CTDSPL2: variants seen among roughly 807,000 people sequenced by gnomAD.
CTDSPL2 encodes the protein CTD small phosphatase-like protein 2.
Under a neutral mutation model 60.0 loss-of-function variants are expected in CTDSPL2, and 5 were observed. The observed-to-expected ratio is 0.08, with a 90% CI of 0.04 to 0.18. The LOEUF is 0.18. Ranked by LOEUF, CTDSPL2 falls within the 10% of genes least tolerant of loss-of-function variation. The pLI is 1.00. For missense variants in CTDSPL2, 370 were observed against 548.8 expected, an observed-to-expected ratio of 0.67 and a Z score of 3.26; for synonymous variants, 186 against 189.3, an observed-to-expected ratio of 0.98 and a Z score of 0.14.
At chr15:44,448,351 A>G (rs900080906) in intron 1 of CTDSPL2, 3 of 256,526 alleles carry the variant, frequency 1.2e-5, no homozygotes, top group Non-Finnish European at 2.4e-5. Context: ...CACAAAGCCC[A>G]TGCGGTCCAT....
chr15:44,455,395 A>G (rs912794673), intron 1 of CTDSPL2, among the ~76,000 whole-genome samples: 13 of 152,098 alleles, frequency 8.5e-5, no homozygotes, highest in African/African-American at 3.1e-4. Flanking sequence ...CTCTTTTCCT[A>G]ATTGAATACC....
At chr15:44,513,516 C>G (rs548926029) in intron 8 of CTDSPL2, among the ~76,000 whole-genome samples, 22 of 152,248 alleles carry the variant, frequency 1.4e-4, no homozygotes, top group South Asian at 2.1e-4. Flanking sequence ...TAAGGAAATT[C>G]TCTATTTTGC....
intron 1 of CTDSPL2, among the ~76,000 whole-genome samples, chr15:44,447,116 TCTG>T (rs1225271881): frequency 2.2e-4 from 33 of 152,310 alleles, no homozygotes; most frequent in Admixed American, 5.9e-4. Flanking sequence ...TTAAAACACT[TCTG>T]CTGTCTTCTC....
At chr15:44,447,108 A>G (rs1300396540) in intron 1 of CTDSPL2, among the ~76,000 whole-genome samples, 1 of 152,222 alleles carries the variant, frequency 6.6e-6, no homozygotes, top group Non-Finnish European at 1.5e-5. Flanking sequence ...ATTTTTACTT[A>G]AAACACTTCT....
rs1370607670 is a variant in CTDSPL2 at position 44,514,840 on chromosome 15, G to A, written c.1108G>A (p.Val370Ile). 1.3e-6 allele frequency: 2 copies of A among 1,555,832 alleles called. No individual in the cohort carries two copies. The highest frequency in any genetic ancestry group is 1.8e-6 in the Non-Finnish European group (2 of 1,136,656). Reference sequence around the variant, plus strand: ...CATACTAGACCCTAAAAAGCAACTGGTCAGGTAAATTTAATTAAGAAATAG... The same window carrying A: ...CATACTAGACCCTAAAAAGCAACTGATCAGGTAAATTTAATTAAGAAATAG... The part of the protein sequence containing the change: ...LNILDPKKQL[V>I]RHRLFREHCV... Residue 370 changes from valine to isoleucine, a missense_variant, in exon 10 of 13, where the codon GTC becomes ATC. Transcript: ENST00000260327.
intron 2 of CTDSPL2, among the ~76,000 whole-genome samples, chr15:44,475,160 T>A (rs1237062504): frequency 6.6e-6 from 1 of 151,928 alleles, no homozygotes; most frequent in Non-Finnish European, 1.5e-5. Context: ...ATACTAGATA[T>A]TACTTCTTTT....
intron 4 of CTDSPL2, among the ~76,000 whole-genome samples, chr15:44,487,074 T>C (rs2081134558): frequency 1.3e-5 from 2 of 152,180 alleles, no homozygotes; most frequent in African/African-American, 4.8e-5. Context: ...AGCAAAAAAA[T>C]ACATAGTTTT....
At chr15:44,430,152 A>C (rs1283739886) in intron 1 of CTDSPL2, among the ~76,000 whole-genome samples, 1 of 152,258 alleles carries the variant, frequency 6.6e-6, no homozygotes, top group Non-Finnish European at 1.5e-5. Flanking sequence ...ATTATTATAT[A>C]ACAGAGTCCA....
chr15:44,482,643 C>T (rs999546870), intron 2 of CTDSPL2, among the ~76,000 whole-genome samples: 1 of 152,160 alleles, frequency 6.6e-6, no homozygotes, highest in Non-Finnish European at 1.5e-5. Flanking sequence ...GAGAATAGTA[C>T]ATGGTCAGAA....
chr15:44,516,800 A>G (rs2140868694), intron 10 of CTDSPL2: 1 of 152,286 alleles, frequency 6.6e-6, no homozygotes, highest in East Asian at 1.9e-4. Context: ...TGTTCTATCT[A>G]GATGTATTTT....
chr15:44,478,381 G>T (rs539640631), intron 2 of CTDSPL2, among the ~76,000 whole-genome samples: 51 of 148,906 alleles, frequency 3.4e-4, no homozygotes, highest in African/African-American at 1.2e-3. Flanking sequence ...GAACCCGGGA[G>T]GTGGAGGTTG....
At chr15:44,519,318 A>G in intron 11 of CTDSPL2, 23 bp downstream of exon 11, 1 of 1,537,060 alleles carries the variant, frequency 6.5e-7, no homozygotes, top group Admixed American at 2.4e-5. Context: ...TTGATAAACA[A>G]ACTCAGATTG....
At chr15:44,492,071 G>A (rs2081224836) in intron 5 of CTDSPL2, among the ~76,000 whole-genome samples, 1 of 151,796 alleles carries the variant, frequency 6.6e-6, no homozygotes, top group Non-Finnish European at 1.5e-5. Context: ...GTTTCATCAT[G>A]TTGACCAGGC....
chr15:44,523,438 A>AAG lies in CTDSPL2; in HGVS notation c.1336-671_1336-670insAG, dbSNP rs879569214. On this transcript the variant is annotated intron_variant, in intron 12 of 12. Transcript: ENST00000260327. ...TACATACATACATACATACATACAT[A>AAG]CATACATAAGCAAGCAAGCTTGCTG... Among the ~76,000 whole-genome samples the AAG allele has an allele frequency of 5.7e-3, 850 of 148,828 alleles. 9 individuals carry two copies. Among genetic ancestry groups the AAG allele is most frequent in the Non-Finnish European group, 8.8e-3 (578 of 65,994 alleles).
At chr15:44,456,407 C>T (rs1291735249) in intron 1 of CTDSPL2, among the ~76,000 whole-genome samples, 1 of 152,152 alleles carries the variant, frequency 6.6e-6, no homozygotes, top group Non-Finnish European at 1.5e-5. Flanking sequence ...TAATTATTGC[C>T]TCAATTTCAG....
chr15:44,429,371 A>T (rs1031937600), intron 1 of CTDSPL2, among the ~76,000 whole-genome samples: 1 of 152,210 alleles, frequency 6.6e-6, no homozygotes, highest in African/African-American at 2.4e-5. Flanking sequence ...AAGGGATCTT[A>T]AATCATTGGT....
intron 1 of CTDSPL2, chr15:44,428,083 C>T (rs1190791619): frequency 1.7e-5 from 3 of 174,774 alleles, no homozygotes; most frequent in Non-Finnish European, 3.6e-5. Flanking sequence ...AGTTCCTAGT[C>T]CCCAACCTCT....
chr15:44,440,466 G>C (rs1040346230), intron 1 of CTDSPL2, among the ~76,000 whole-genome samples: 1 of 152,040 alleles, frequency 6.6e-6, no homozygotes, highest in Non-Finnish European at 1.5e-5. Context: ...AAAGTGCTGG[G>C]ATTACAGGCA....
At chr15:44,429,333 TA>T (rs2079810048) in intron 1 of CTDSPL2, among the ~76,000 whole-genome samples, 1 of 152,168 alleles carries the variant, frequency 6.6e-6, no homozygotes, top group African/African-American at 2.4e-5. Context: ...TCAGTTTATT[TA>T]AAAAATGGAG....
Sources: allele counts gnomAD v4.1 joint callset (sites outside exome capture counted in the v4.1 genomes callset), GRCh38; gene constraint gnomAD v4.1.1; transcripts MANE v1.5; gene names NCBI Gene and HGNC (gene_info 2026-07-23, HGNC 2026-07-21).